ZNF821: variants seen among roughly 807,000 people sequenced by gnomAD.
ZNF821 encodes the protein zinc finger protein 821.
ZNF821 carries 16 observed loss-of-function variants against 44.3 expected under a neutral mutation model. The observed-to-expected ratio is 0.36, with a 90% confidence interval of 0.24 to 0.55. ZNF821 has a LOEUF of 0.55. Ranked by LOEUF, ZNF821 falls within the 20% of genes least tolerant of loss-of-function variation. ZNF821 has a pLI of 0.86. For synonymous variants in ZNF821, 204 were observed against 197.6 expected, an observed-to-expected ratio of 1.03 and a Z score of -0.27; for missense variants, 436 against 547.6, an observed-to-expected ratio of 0.80 and a Z score of 2.03.
intron 3 of ZNF821, among the ~76,000 whole-genome samples, chr16:71,878,410 C>T (rs979178730): frequency 6.6e-6 from 1 of 151,952 alleles, no homozygotes; most frequent in Non-Finnish European, 1.5e-5. Context: ...AGCCACCGCG[C>T]CCGGCCACTA....
At chr16:71,864,107 G>A (rs759391219) in intron 6 of ZNF821, 31 bp downstream of exon 6, 1 of 1,592,560 alleles carries the variant, frequency 6.3e-7, no homozygotes, top group Non-Finnish European at 8.6e-7. Flanking sequence ...CCACACTTGT[G>A]TTCCAGAGCA....
chr16:71,883,268 C>T lies in ZNF821; in HGVS notation c.-135G>A. 1 of 452,672 alleles carries T rather than the reference C, an allele frequency of 2.2e-6. No homozygotes were observed. Among genetic ancestry groups the T allele is most frequent in the Non-Finnish European group, 4.4e-6 (1 of 225,432 alleles). 28.0% of individuals were successfully genotyped at this position (452,672 alleles called of 1,614,324 possible). A position where few individuals can be genotyped will look rare whatever the true frequency, so the allele number is the denominator to read the frequency against. Reference sequence around the variant, plus strand: ...GCAAACTCGACTGAATCCAAGTGATCTGTATCTGCCAAAAAGGAGAGGACA... The same window carrying T: ...GCAAACTCGACTGAATCCAAGTGATTTGTATCTGCCAAAAAGGAGAGGACA... On this transcript the variant is annotated 5_prime_UTR_variant, in exon 2 of 8. Transcript: ENST00000425432.
upstream of ZNF821, among the ~76,000 whole-genome samples, chr16:71,886,101 C>G (rs2036845009): frequency 6.6e-6 from 1 of 152,210 alleles, no homozygotes; most frequent in African/African-American, 2.4e-5. Context: ...TAATGTTGGG[C>G]AGCTTATTCC....
intron 5 of ZNF821, among the ~76,000 whole-genome samples, chr16:71,864,463 T>C (rs2034298865): frequency 6.6e-6 from 1 of 152,240 alleles, no homozygotes; most frequent in Non-Finnish European, 1.5e-5. Flanking sequence ...AATCAATTTT[T>C]TTCCCTGAAG....
chr16:71,874,418 C>T (rs2035579033), intron 3 of ZNF821, among the ~76,000 whole-genome samples: 1 of 152,062 alleles, frequency 6.6e-6, no homozygotes. Flanking sequence ...GACTTTCCTG[C>T]CCCCCAGACC....
chr16:71,877,970 T>C (rs934847624), intron 3 of ZNF821, among the ~76,000 whole-genome samples: 1 of 147,360 alleles, frequency 6.8e-6, no homozygotes, highest in African/African-American at 2.5e-5. Context: ...TATAAATATA[T>C]ATGTATATAT....
At chr16:71,894,588 T>C (rs2036927292) in intron 1 of ZNF821, 1 of 433,456 alleles carries the variant, frequency 2.3e-6, no homozygotes, top group African/African-American at 2.1e-5. Flanking sequence ...TGCTGTGACG[T>C]GATCACGGTT....
At chr16:71,882,460 G>A (rs1360582543) in intron 2 of ZNF821, among the ~76,000 whole-genome samples, 2 of 152,102 alleles carry the variant, frequency 1.3e-5, no homozygotes, top group African/African-American at 2.4e-5. Context: ...AGTCCCTTCT[G>A]AAGGAAGGCC....
intron 5 of ZNF821, chr16:71,864,604 C>T (rs1597135652): frequency 2.3e-6 from 1 of 443,514 alleles, no homozygotes; most frequent in Non-Finnish European, 4.1e-6. Context: ...TTCAAGAGTC[C>T]ACCTTGGGAA....
intron 4 of ZNF821, among the ~76,000 whole-genome samples, chr16:71,866,176 C>T (rs1033328163): frequency 3.9e-5 from 6 of 152,036 alleles, no homozygotes; most frequent in African/African-American, 7.2e-5. Flanking sequence ...CCAGGCTGTC[C>T]GCAGGAAACT....
intron 1 of ZNF821, chr16:71,894,718 T>TTA: frequency 3.5e-6 from 2 of 567,560 alleles, no homozygotes; most frequent in Admixed American, 3.4e-5. Flanking sequence ...TTTTTTTTTG[T>TTA]AGCGATGCGG....
intron 1 of ZNF821, chr16:71,890,807 T>G: frequency 8.1e-6 from 1 of 123,384 alleles, no homozygotes; most frequent in South Asian, 2.9e-4. Flanking sequence ...AGTCTCACTC[T>G]GTCACCCAGG....
At chr16:71,890,814 C>T (rs1400938012) in intron 1 of ZNF821, 2 of 137,906 alleles carry the variant, frequency 1.5e-5, no homozygotes, top group Non-Finnish European at 3.1e-5. Flanking sequence ...CTCTGTCACC[C>T]AGGCTGGAGT....
At chr16:71,872,741 A>C (rs995073188) in intron 3 of ZNF821, among the ~76,000 whole-genome samples, 2 of 152,258 alleles carry the variant, frequency 1.3e-5, no homozygotes, top group African/African-American at 4.8e-5. Context: ...AAAGTGGGGA[A>C]CATAGCCATT....
chr16:71,877,933 A>G (rs2036001577), intron 3 of ZNF821, among the ~76,000 whole-genome samples: 1 of 147,460 alleles, frequency 6.8e-6, no homozygotes, highest in African/African-American at 2.5e-5. Flanking sequence ...AAAAAATTAT[A>G]TATATTATAT....
chr16:71,876,684 T>C (rs1051758839), intron 3 of ZNF821, among the ~76,000 whole-genome samples: 2 of 152,158 alleles, frequency 1.3e-5, no homozygotes, highest in African/African-American at 4.8e-5. Flanking sequence ...CTCAGCTCAC[T>C]GCAGCCTCGA....
At chr16:71,873,306 A>C (rs1019735186) in intron 3 of ZNF821, among the ~76,000 whole-genome samples, 1 of 151,860 alleles carries the variant, frequency 6.6e-6, no homozygotes, top group Non-Finnish European at 1.5e-5. Flanking sequence ...TGGGCGACTG[A>C]GCAGGATGCT....
intron 2 of ZNF821, among the ~76,000 whole-genome samples, chr16:71,880,762 G>A (rs1308795242): frequency 6.6e-6 from 1 of 152,156 alleles, no homozygotes; most frequent in Non-Finnish European, 1.5e-5. Context: ...ACATTCCAGA[G>A]AGGTGGTCAA....
At chr16:71,862,730 C>G (rs1370589890) in intron 6 of ZNF821, among the ~76,000 whole-genome samples, 1 of 152,168 alleles carries the variant, frequency 6.6e-6, no homozygotes, top group African/African-American at 2.4e-5. Context: ...TCCTCATGAA[C>G]CAACTATCTT....
Sources: allele counts gnomAD v4.1 joint callset (sites outside exome capture counted in the v4.1 genomes callset), GRCh38; gene constraint gnomAD v4.1.1; transcripts MANE v1.5; gene names NCBI Gene and HGNC (gene_info 2026-07-23, HGNC 2026-07-21).